The following ACOXL variants were observed in gnomAD, a reference collection of about 807,000 sequenced individuals.
ACOXL encodes acyl-coenzyme A oxidase-like protein.
A neutral mutation model predicts 71.9 loss-of-function variants in ACOXL; 70 were observed. The observed-to-expected ratio is 0.97, with a 90% CI of 0.80 to 1.19. The LOEUF (loss-of-function observed/expected upper bound fraction) is 1.19, where lower values mean the gene tolerates loss of function less well. Ranked by LOEUF, ACOXL falls within the 50% of genes most tolerant of loss-of-function variation. ACOXL has a pLI of 0.00. For synonymous variants in ACOXL, 253 were observed against 281.6 expected, an observed-to-expected ratio of 0.90 and a Z score of 1.02; for missense variants, 703 against 736.3, an observed-to-expected ratio of 0.95 and a Z score of 0.52.
intron 15 of ACOXL, among the ~76,000 whole-genome samples, chr2:111,044,458 G>A (rs1298711129): frequency 6.6e-6 from 1 of 152,238 alleles, no homozygotes; most frequent in African/African-American, 2.4e-5. Flanking sequence ...CTTAGCCGCA[G>A]GGGCAGGGCC....
intron 15 of ACOXL, among the ~76,000 whole-genome samples, chr2:111,041,961 A>G (rs990881571): frequency 1.3e-5 from 2 of 152,156 alleles, no homozygotes; most frequent in Non-Finnish European, 2.9e-5. Context: ...CGGGTTTGCA[A>G]TGCCCCCCAT....
intron 9 of ACOXL, among the ~76,000 whole-genome samples, chr2:110,813,465 C>T (rs182581813): frequency 2.2e-3 from 330 of 152,216 alleles, no homozygotes; most frequent in Non-Finnish European, 3.4e-3. Flanking sequence ...CATCTACTAC[C>T]GGGAGAACGA....
intron 15 of ACOXL, among the ~76,000 whole-genome samples, chr2:111,039,614 T>C (rs1399689378): frequency 6.6e-6 from 1 of 152,226 alleles, no homozygotes; most frequent in Admixed American, 6.5e-5. Flanking sequence ...ACTTTTGAAT[T>C]TTTATATAAC....
At chr2:110,903,406 T>C (rs1199674805) in intron 10 of ACOXL, among the ~76,000 whole-genome samples, 2 of 152,262 alleles carry the variant, frequency 1.3e-5, no homozygotes, top group African/African-American at 2.4e-5. Flanking sequence ...TGCTGGAATC[T>C]AGAAATAGCT....
intron 10 of ACOXL, among the ~76,000 whole-genome samples, chr2:110,898,767 A>G (rs1181073969): frequency 4.6e-5 from 7 of 152,218 alleles, no homozygotes; most frequent in Non-Finnish European, 1.0e-4. Context: ...GGAAATGAAA[A>G]GCATATAGAT....
intron 16 of ACOXL, among the ~76,000 whole-genome samples, chr2:111,084,063 A>T (rs1291231582): frequency 6.6e-6 from 1 of 152,132 alleles, no homozygotes; most frequent in South Asian, 2.1e-4. Flanking sequence ...GTGATGGCTC[A>T]TACCTGCAAT....
chr2:110,875,205 C>T (rs1002019947), intron 10 of ACOXL, among the ~76,000 whole-genome samples: 11 of 152,114 alleles, frequency 7.2e-5, no homozygotes, highest in African/African-American at 2.7e-4. Context: ...AAAGGATGGC[C>T]GTTCATGTGT....
intron 10 of ACOXL, among the ~76,000 whole-genome samples, chr2:110,883,322 C>G (rs1161786497): frequency 6.6e-6 from 1 of 151,958 alleles, no homozygotes; most frequent in African/African-American, 2.4e-5. Context: ...GTTGGCCAGG[C>G]TGGTCTCAAA....
chr2:110,883,823 A>G (rs1696972114), intron 10 of ACOXL, among the ~76,000 whole-genome samples: 1 of 152,232 alleles, frequency 6.6e-6, no homozygotes, highest in South Asian at 2.1e-4. Context: ...CTAGAAATGT[A>G]CTTAAAGACA....
At chr2:110,750,265 A>T (rs1161612235) in intron 1 of ACOXL, among the ~76,000 whole-genome samples, 1 of 152,128 alleles carries the variant, frequency 6.6e-6, no homozygotes, top group African/African-American at 2.4e-5. Flanking sequence ...TCCCCCATGT[A>T]TTTATTTATT....
intron 10 of ACOXL, among the ~76,000 whole-genome samples, chr2:110,900,720 GT>G (rs2059201487): frequency 6.6e-6 from 1 of 152,178 alleles, no homozygotes; most frequent in Non-Finnish European, 1.5e-5. Flanking sequence ...AGGCAGCCAG[GT>G]TCCTTGGTGT....
rs1356056867 is a variant in ACOXL at position 110,867,643 on chromosome 2, C to G, written c.788+26238C>G. 2.6e-5 allele frequency among the ~76,000 whole-genome samples: 4 copies of G among 152,064 alleles called. 1 individual carries two copies. The highest frequency in any genetic ancestry group is 9.7e-5 in the African/African-American group (4 of 41,392). On this transcript the variant is annotated intron_variant, in intron 10 of 17. Coordinates refer to ENST00000439055, the MANE Select transcript of ACOXL (RefSeq NM_001142807.4). Reference sequence around the variant, plus strand: ...GAAGGTCTGGGTGGGGACTGGAGGGCCAATAAGGACTTCTTTTGAATTCCA... The same window carrying G: ...GAAGGTCTGGGTGGGGACTGGAGGGGCAATAAGGACTTCTTTTGAATTCCA...
At chr2:110,780,849 C>G (rs990902928) in intron 2 of ACOXL, among the ~76,000 whole-genome samples, 1 of 151,646 alleles carries the variant, frequency 6.6e-6, no homozygotes, top group African/African-American at 2.4e-5. Context: ...TCCTGGGCAA[C>G]ATGGTGAGAC....
intron 9 of ACOXL, among the ~76,000 whole-genome samples, chr2:110,808,321 A>C (rs2105388250): frequency 6.6e-6 from 1 of 152,302 alleles, no homozygotes; most frequent in East Asian, 1.9e-4. Context: ...GGTGCTGCAC[A>C]GTAGCTAGGT....
At chr2:110,947,372 G>A (rs989890405) in intron 12 of ACOXL, among the ~76,000 whole-genome samples, 29 of 152,290 alleles carry the variant, frequency 1.9e-4, no homozygotes, top group African/African-American at 7.0e-4. Flanking sequence ...CAGTGGAGAG[G>A]GGGCATTCTA....
chr2:110,917,797 AT>A (rs2059920093), intron 11 of ACOXL, among the ~76,000 whole-genome samples: 1 of 152,226 alleles, frequency 6.6e-6, no homozygotes, highest in African/African-American at 2.4e-5. Context: ...GTGAACTCCT[AT>A]TCAAAATTGC....
At chr2:110,768,688 C>T (rs1681462789) in intron 2 of ACOXL, among the ~76,000 whole-genome samples, 1 of 152,062 alleles carries the variant, frequency 6.6e-6, no homozygotes, top group South Asian at 2.1e-4. Context: ...GTTTTTTGAC[C>T]CTCACCCTTC....
intron 13 of ACOXL, among the ~76,000 whole-genome samples, chr2:110,995,109 A>G (rs1180844650): frequency 6.6e-6 from 1 of 151,810 alleles, no homozygotes; most frequent in Admixed American, 6.6e-5. Flanking sequence ...ATATCCAATT[A>G]TAATAATTAT....
At chr2:111,030,726 G>C (rs1239478737) in intron 14 of ACOXL, among the ~76,000 whole-genome samples, 2 of 109,500 alleles carry the variant, frequency 1.8e-5, no homozygotes, top group Non-Finnish European at 3.9e-5. Context: ...TTATTTCCTT[G>C]AGCACAAAAA....
Sources: allele counts gnomAD v4.1 joint callset (sites outside exome capture counted in the v4.1 genomes callset), GRCh38; gene constraint gnomAD v4.1.1; transcripts MANE v1.5; gene names NCBI Gene and HGNC (gene_info 2026-07-23, HGNC 2026-07-21).